The following RAD51 variants were observed in gnomAD, a reference collection of about 807,000 sequenced individuals.
RAD51 encodes the protein DNA repair protein RAD51 homolog 1.
In RAD51, 14 loss-of-function variants were observed where a neutral mutation model predicts 41.5. The ratio of observed to expected loss-of-function variants is 0.34; its 90% CI spans 0.22 to 0.53. The LOEUF (loss-of-function observed/expected upper bound fraction) is 0.53. Ranked by LOEUF, RAD51 falls within the 20% of genes least tolerant of loss-of-function variation. The pLI, the probability that RAD51 is intolerant of heterozygous loss-of-function variation, is 0.95. For missense variants in RAD51, 234 were observed against 422.0 expected, an observed-to-expected ratio of 0.55 and a Z score of 3.90; for synonymous variants, 136 against 148.6, an observed-to-expected ratio of 0.92 and a Z score of 0.62.
intron 5 of RAD51, among the ~76,000 whole-genome samples, chr15:40,715,402 C>G (rs562219173): frequency 1.3e-5 from 2 of 152,052 alleles, no homozygotes; most frequent in Non-Finnish European, 2.9e-5. Context: ...AAATCACATA[C>G]CCTTTGACAG....
chr15:40,718,179 C>T (rs1414938171), intron 5 of RAD51, among the ~76,000 whole-genome samples: 1 of 152,064 alleles, frequency 6.6e-6, no homozygotes, highest in Non-Finnish European at 1.5e-5. Context: ...GCCAAGATTG[C>T]ACCACTGCAC....
chr15:40,695,135 T>A (rs553254296), upstream of RAD51: 1 of 152,210 alleles, frequency 6.6e-6, no homozygotes, highest in African/African-American at 2.4e-5. Flanking sequence ...ATACGTTACG[T>A]CGACGCGGGC....
intron 3 of RAD51, among the ~76,000 whole-genome samples, chr15:40,704,344 G>A (rs1240225694): frequency 6.8e-6 from 1 of 146,832 alleles, no homozygotes; most frequent in Non-Finnish European, 1.5e-5. Flanking sequence ...GATTACAGTC[G>A]TGAGCCACCG....
At chr15:40,722,034 A>C (rs1896298599) in intron 6 of RAD51, among the ~76,000 whole-genome samples, 1 of 152,248 alleles carries the variant, frequency 6.6e-6, no homozygotes, top group Non-Finnish European at 1.5e-5. Flanking sequence ...CTGCAGATAA[A>C]AAGGTAGGAA....
chr15:40,716,729 C>T (rs546452846), intron 5 of RAD51, among the ~76,000 whole-genome samples: 4 of 142,386 alleles, frequency 2.8e-5, no homozygotes, highest in African/African-American at 5.3e-5. Flanking sequence ...GGCACGATCT[C>T]GGCTCACTGC....
chr15:40,729,868 G>A lies in RAD51; in HGVS notation c.790G>A (p.Val264Ile). ...RLADEFGVAV[V>I]ITNQVVAQVD... ...TCCCCATCAGTTTGGTGTAGCAGTG[G>A]TAATCACTAATCAGGTGGTAGCTCA... The change falls in exon 9 of 10, where the codon GTA (valine) becomes ATA (isoleucine). Residue 264 changes from valine to isoleucine, a missense_variant. This residue lies in a region of RAD51 where 134 missense variants were observed against 286.5 expected (regional missense o/e 0.47). Coordinates refer to ENST00000267868, the MANE Select transcript of RAD51 (RefSeq NM_002875.5). 6.2e-7 allele frequency: 1 copy of A among 1,614,180 alleles called. No individual in the cohort carries two copies. Among genetic ancestry groups the A allele is most frequent in the South Asian group, 1.1e-5 (1 of 91,082 alleles).
At chr15:40,721,872 G>A (rs551279176) in intron 6 of RAD51, among the ~76,000 whole-genome samples, 28 of 152,188 alleles carry the variant, frequency 1.8e-4, no homozygotes, top group Middle Eastern at 3.4e-3. Flanking sequence ...CAGATACTTG[G>A]ACAGCGATGT....
At chr15:40,706,709 AG>A (rs1895365724) in intron 4 of RAD51, among the ~76,000 whole-genome samples, 7 of 152,196 alleles carry the variant, frequency 4.6e-5, no homozygotes, top group African/African-American at 1.4e-4. Flanking sequence ...TCAAAAACAA[AG>A]AGAGATAAAG....
chr15:40,709,408 G>A lies in RAD51; in HGVS notation c.435+292G>A, dbSNP rs1000445147. Among the ~76,000 whole-genome samples, 27 of 125,034 alleles carry A rather than the reference G, an allele frequency of 2.2e-4. No individual in the cohort carries two copies. In the Admixed American group the frequency reaches 2.3e-3, roughly 11 times the overall value. 82.0% of individuals were successfully genotyped at this position (125,034 alleles called of 152,430 possible). A position where few individuals can be genotyped will look rare whatever the true frequency, so the allele number is the denominator to read the frequency against. On this transcript the variant is annotated intron_variant, in intron 5 of 9. Coordinates refer to ENST00000267868, the MANE Select transcript of RAD51 (RefSeq NM_002875.5). ...TTTTTTTTTTTTGAGGCAGAATCTC[G>A]CTGTGTCGCCCAGGCTGAAGTACAG...
intron 4 of RAD51, among the ~76,000 whole-genome samples, chr15:40,707,176 T>TTTTTTTA (rs1895401618): frequency 6.8e-6 from 1 of 147,122 alleles, no homozygotes; most frequent in Admixed American, 6.8e-5. Flanking sequence ...TTTTTTTTTT[T>TTTTTTTA]GAGTCGGGGC....
intron 3 of RAD51, among the ~76,000 whole-genome samples, 160 bp downstream of exon 3, chr15:40,701,361 CTT>C (rs946965505): frequency 4.3e-5 from 6 of 139,880 alleles, no homozygotes; most frequent in African/African-American, 1.6e-4. Flanking sequence ...CTTTTCTTTT[CTT>C]TTTTTTTTCT....
intron 5 of RAD51, among the ~76,000 whole-genome samples, chr15:40,718,344 C>A (rs34400306): frequency 0.49 from 74,825 of 151,968 alleles, 19,266 homozygotes; most frequent in East Asian, 0.77. Flanking sequence ...TTGGTGAAAC[C>A]CTGTTTCTAC....
chr15:40,707,174 T>TTA (rs1477446897), intron 4 of RAD51, among the ~76,000 whole-genome samples: 14 of 148,288 alleles, frequency 9.4e-5, no homozygotes, highest in Admixed American at 5.4e-4. Context: ...TTTTTTTTTT[T>TTA]TTGAGTCGGG....
intron 6 of RAD51, among the ~76,000 whole-genome samples, chr15:40,724,686 T>A (rs188670610): frequency 0.016 from 1,884 of 121,430 alleles, 69 homozygotes; most frequent in African/African-American, 0.055. Flanking sequence ...TTTTTTTTTT[T>A]TTTTTTTTTT....
In RAD51 at chr15:40,695,430, G is replaced by A. The variant is rs2141801211; in HGVS notation, c.-3+5G>A. 6.6e-6 allele frequency: 1 copy of A among 152,658 alleles called. No individual in the cohort carries two copies. Among genetic ancestry groups the A allele is most frequent in the East Asian group, 1.9e-4 (1 of 5,176 alleles). 9.5% of individuals were successfully genotyped at this position (152,658 alleles called of 1,614,324 possible). A position where few individuals can be genotyped will look rare whatever the true frequency, so the allele number is the denominator to read the frequency against. On this transcript the variant is annotated splice_donor_5th_base_variant and intron_variant, in intron 1 of 9. Coordinates refer to ENST00000267868, the MANE Select transcript of RAD51 (RefSeq NM_002875.5). ...AGAGGAGCGCTGCGGACCGAGGTGA[G>A]TGTGTGAGGCGCAGGCTGGGCCCTC...
At position 40,695,300 on chromosome 15, in the gene RAD51, C is replaced by T. The variant is rs1279232017; in HGVS notation, c.-128C>T. 6.6e-6 allele frequency: 1 copy of T among 152,428 alleles called. No individual in the cohort carries two copies. The highest frequency in any genetic ancestry group is 2.4e-5 in the African/African-American group (1 of 41,472). The allele number at this position is 152,428 out of a possible 1,614,324, so 9.4% of individuals were successfully genotyped here. On this transcript the variant is annotated 5_prime_UTR_variant, in exon 1 of 10. Coordinates refer to ENST00000267868, the MANE Select transcript of RAD51 (RefSeq NM_002875.5). The stretch of plus-strand genomic sequence containing the variant: ...CTGGGTTGTGCGCAGAAGGCTGGGG[C>T]AAGCGAGTAGAGAAGTGGAGCGTAA...
rs773222134 is a variant in RAD51 at position 40,709,014 on chromosome 15, C to G, written c.344-11C>G. 2.5e-6 allele frequency: 4 copies of G among 1,605,532 alleles called. No individual in the cohort carries two copies. Among genetic ancestry groups the G allele is most frequent in the Admixed American group, 1.7e-5 (1 of 59,998 alleles). On this transcript the variant is annotated splice_polypyrimidine_tract_variant and intron_variant, in intron 4 of 9. Transcript: ENST00000267868. ...TATTATGCTAAGAGTTATTTCTTAT[C>G]GCTTTTTTAGGTGGAATTGAGACTG...
chr15:40,702,817 T>TC (rs1491126376), intron 3 of RAD51, among the ~76,000 whole-genome samples: 2 of 106,110 alleles, frequency 1.9e-5, no homozygotes, highest in African/African-American at 9.0e-5. Flanking sequence ...TGTGCCCACC[T>TC]TTTTTTTTTT....
chr15:40,713,923 T>G (rs1486900455), intron 5 of RAD51, among the ~76,000 whole-genome samples: 1 of 151,744 alleles, frequency 6.6e-6, no homozygotes. Flanking sequence ...ATATGTCTTA[T>G]GAGACAGCCA....
Sources: allele counts gnomAD v4.1 joint callset (sites outside exome capture counted in the v4.1 genomes callset), GRCh38; gene constraint gnomAD v4.1.1; regional missense constraint gnomAD v4.1.1; transcripts MANE v1.5; gene names NCBI Gene and HGNC (gene_info 2026-07-23, HGNC 2026-07-21).